The following HPGDS variants were observed in gnomAD, a reference collection of about 807,000 sequenced individuals.
HPGDS encodes hematopoietic prostaglandin D synthase, also known as GST class-sigma.
In HPGDS, 26 loss-of-function variants were observed where a neutral mutation model predicts 23.1. The observed-to-expected ratio is 1.13, with a 90% confidence interval of 0.83 to 1.56. The LOEUF is 1.56. Among genes scored for constraint, HPGDS ranks in the 40% most tolerant of loss-of-function variants. The pLI, the probability that HPGDS is intolerant of heterozygous loss-of-function variation, is 0.00. For synonymous variants in HPGDS, 95 were observed against 77.9 expected (o/e 1.22, Z -1.16); for missense variants, 268 against 236.4 (o/e 1.13, Z -0.88).
intron 4 of HPGDS, among the ~76,000 whole-genome samples, chr4:94,307,920 G>T (rs1399759735): frequency 3.9e-5 from 6 of 152,052 alleles, no homozygotes; most frequent in African/African-American, 1.4e-4. Flanking sequence ...CACAATATTG[G>T]GAGCTTGGTG....
intron 3 of HPGDS, among the ~76,000 whole-genome samples, chr4:94,313,687 T>C (rs149598168): frequency 0.025 from 3,745 of 152,224 alleles, 101 homozygotes; most frequent in African/African-American, 0.074. Context: ...GTTGGCCTGC[T>C]TTGCTGGATT....
chr4:94,311,651 A>G (rs563380063), intron 3 of HPGDS, among the ~76,000 whole-genome samples: 2 of 151,606 alleles, frequency 1.3e-5, no homozygotes, highest in South Asian at 4.2e-4. Context: ...TGCTGGCCTC[A>G]TAAAATGAGT....
chr4:94,324,507 T>C (rs942931252), intron 2 of HPGDS, among the ~76,000 whole-genome samples: 4 of 152,226 alleles, frequency 2.6e-5, no homozygotes, highest in African/African-American at 9.7e-5. Flanking sequence ...TTTCATTAAT[T>C]TGATCTTCAA....
At chr4:94,315,180 A>G (rs1315565768) in intron 3 of HPGDS, among the ~76,000 whole-genome samples, 1 of 133,482 alleles carries the variant, frequency 7.5e-6, no homozygotes, top group Non-Finnish European at 1.7e-5. Context: ...CAGTGAGACA[A>G]TCCCCGGTAC....
At chr4:94,339,632 T>C (rs1212859835) in intron 1 of HPGDS, among the ~76,000 whole-genome samples, 2 of 152,224 alleles carry the variant, frequency 1.3e-5, no homozygotes, top group Admixed American at 1.3e-4. Flanking sequence ...CTCTTTTATA[T>C]GGGAAATAAC....
At chr4:94,338,989 C>T (rs1721082332) in intron 1 of HPGDS, among the ~76,000 whole-genome samples, 1 of 152,110 alleles carries the variant, frequency 6.6e-6, no homozygotes, top group South Asian at 2.1e-4. Flanking sequence ...CCTTGTAATG[C>T]GGTATTTGCT....
At chr4:94,301,216 A>C (rs1756034463) in intron 5 of HPGDS, among the ~76,000 whole-genome samples, 3 of 152,182 alleles carry the variant, frequency 2.0e-5, no homozygotes, top group African/African-American at 7.2e-5. Context: ...AAGCAGTCTT[A>C]TCTCCCAAAA....
At chr4:94,323,409 AG>A (rs1756557922) in intron 2 of HPGDS, among the ~76,000 whole-genome samples, 1 of 152,172 alleles carries the variant, frequency 6.6e-6, no homozygotes, top group Admixed American at 6.5e-5. Context: ...GTCTCTTTGT[AG>A]GTCTCTAAGG....
chr4:94,313,068 T>C (rs1756312644), intron 3 of HPGDS, among the ~76,000 whole-genome samples: 1 of 152,194 alleles, frequency 6.6e-6, no homozygotes, highest in Admixed American at 6.5e-5. Flanking sequence ...TACAGCACAC[T>C]GATGGGTCTT....
chr4:94,334,297 TTC>T (rs1387592431), intron 2 of HPGDS, 198 bp downstream of exon 2: 18 of 455,790 alleles, frequency 3.9e-5, no homozygotes, highest in Non-Finnish European at 6.1e-5. Flanking sequence ...TACCTTTATA[TTC>T]TCTTTCTGTA....
At chr4:94,307,823 A>ATAT (rs148861725) in intron 4 of HPGDS, among the ~76,000 whole-genome samples, 3,738 of 152,284 alleles carry the variant, frequency 0.025, 105 homozygotes, top group African/African-American at 0.074. Flanking sequence ...GAGAAAGAAA[A>ATAT]TATAAAAGCA....
chr4:94,307,233 A>G (rs1202955266), intron 4 of HPGDS, among the ~76,000 whole-genome samples: 1 of 151,946 alleles, frequency 6.6e-6, no homozygotes, highest in African/African-American at 2.4e-5. Context: ...TTTATTTCCT[A>G]TGACCAGTAA....
intron 3 of HPGDS, among the ~76,000 whole-genome samples, chr4:94,313,325 C>A (rs1041568707): frequency 1.3e-5 from 2 of 152,154 alleles, no homozygotes; most frequent in Non-Finnish European, 2.9e-5. Context: ...TCTTGTAGGG[C>A]AGGCCTAATG....
intron 2 of HPGDS, among the ~76,000 whole-genome samples, chr4:94,326,965 G>T (rs1320644960): frequency 1.3e-5 from 2 of 152,014 alleles, no homozygotes; most frequent in African/African-American, 4.8e-5. Context: ...GATTTCTTCA[G>T]CTATAGTCAG....
chr4:94,312,316 C>T (rs1579432257), intron 3 of HPGDS, among the ~76,000 whole-genome samples: 1 of 152,168 alleles, frequency 6.6e-6, no homozygotes, highest in South Asian at 2.1e-4. Context: ...TTAAATGTGT[C>T]CCAGAGATTC....
chr4:94,312,414 A>G (rs1756294285), intron 3 of HPGDS, among the ~76,000 whole-genome samples: 1 of 152,168 alleles, frequency 6.6e-6, no homozygotes, highest in Non-Finnish European at 1.5e-5. Flanking sequence ...GTCATTCAGG[A>G]GCAGGTTGTT....
intron 1 of HPGDS, among the ~76,000 whole-genome samples, chr4:94,338,538 A>G (rs1721069354): frequency 6.6e-6 from 1 of 152,204 alleles, no homozygotes. Flanking sequence ...TCTTAGCAAA[A>G]TGAAAAAACA....
chr4:94,325,508 C>A (rs1487504119), intron 2 of HPGDS, among the ~76,000 whole-genome samples: 1 of 152,202 alleles, frequency 6.6e-6, no homozygotes, highest in Non-Finnish European at 1.5e-5. Context: ...CCTCCCCCAG[C>A]TAGGCTGCCG....
chr4:94,339,490 G>C (rs1721090663), intron 1 of HPGDS, among the ~76,000 whole-genome samples: 1 of 151,978 alleles, frequency 6.6e-6, no homozygotes, highest in South Asian at 2.1e-4. Context: ...TAACCTATAC[G>C]GTTTATCAAA....
Sources: gnomAD v4.1 joint callset for allele counts (sites outside exome capture counted in the v4.1 genomes callset) on GRCh38, gnomAD v4.1.1 for gene constraint, MANE v1.5 for transcripts, NCBI Gene and HGNC (gene_info 2026-07-23, HGNC 2026-07-21) for gene names.